Variants in LMAN1L observed in about 807,000 individuals in gnomAD.
The protein encoded by LMAN1L is lectin, mannose binding 1 like, also known as protein ERGIC-53-like.
A neutral mutation model predicts 58.3 loss-of-function variants in LMAN1L; 60 were observed. That is an observed-to-expected ratio of 1.03 (90% CI 0.84 to 1.27). The LOEUF is 1.27. Ranked by LOEUF, LMAN1L falls within the 50% of genes most tolerant of loss-of-function variation. The pLI is 0.00. For synonymous variants in LMAN1L, 280 were observed against 271.6 expected, an observed-to-expected ratio of 1.03 and a Z score of -0.31; for missense variants, 629 against 674.0, an observed-to-expected ratio of 0.93 and a Z score of 0.74.
chr15:74,819,064 A>G, intron 5 of LMAN1L, 88 bp from the exon 6 acceptor site: 1 of 1,491,840 alleles, frequency 6.7e-7, no homozygotes, highest in South Asian at 1.3e-5. Flanking sequence ...ACCAAGCCCT[A>G]GGGCCACCTG....
intron 8 of LMAN1L, 108 bp from the exon 9 acceptor site, chr15:74,820,967 C>G: frequency 7.3e-7 from 1 of 1,373,682 alleles, no homozygotes; most frequent in Non-Finnish European, 9.8e-7. Flanking sequence ...TTGGAGGCAG[C>G]AGCCACACCT....
rs1010399363 is a variant in LMAN1L, at chr15:74,816,706, G to A, written c.497+16G>A. 3.1e-6 allele frequency: 5 copies of A among 1,611,786 alleles called. No individual in the cohort carries two copies. Among genetic ancestry groups the A allele is most frequent in the Non-Finnish European group, 4.2e-6 (5 of 1,178,722 alleles). Reference sequence around the variant, plus strand: ...AGCAGCCTGGGTAAGGGCCTGTCTGGACTGACCACTCACCTCCATTTTTGC... The same window carrying A: ...AGCAGCCTGGGTAAGGGCCTGTCTGAACTGACCACTCACCTCCATTTTTGC... On this transcript the variant is annotated intron_variant, in intron 4 of 13. Coordinates refer to ENST00000309664, the MANE Select transcript of LMAN1L (RefSeq NM_021819.3).
chr15:74,818,353 G>T (rs984498824), intron 4 of LMAN1L, among the ~76,000 whole-genome samples: 2 of 152,174 alleles, frequency 1.3e-5, no homozygotes, highest in East Asian at 1.9e-4. Flanking sequence ...TTCTGGGACT[G>T]CCCTCACTGT....
chr15:74,815,760 A>G (rs548455438), intron 1 of LMAN1L, among the ~76,000 whole-genome samples: 1 of 152,308 alleles, frequency 6.6e-6, no homozygotes, highest in East Asian at 1.9e-4. Context: ...TCATCTGAGA[A>G]ATGGGAAGGG....
chr15:74,813,923 GA>G (rs113898209), intron 1 of LMAN1L, among the ~76,000 whole-genome samples: 10,691 of 152,100 alleles, frequency 0.07, 1,194 homozygotes, highest in African/African-American at 0.24. Flanking sequence ...TCAAGAGGTT[GA>G]AAACCATCCT....
intron 12 of LMAN1L, 56 bp from the exon 13 acceptor site, chr15:74,824,294 TC>T: frequency 1.3e-6 from 2 of 1,550,192 alleles, no homozygotes; most frequent in Non-Finnish European, 1.8e-6. Context: ...AGATTCCAGG[TC>T]CCCCACTCCT....
chr15:74,820,801 T>A (rs1284459944), intron 8 of LMAN1L, 34 bp downstream of exon 8: 2 of 1,591,394 alleles, frequency 1.3e-6, no homozygotes, highest in Non-Finnish European at 1.7e-6. Flanking sequence ...GTGGCGCCCA[T>A]CTGAGTGTCA....
At chr15:74,820,893 C>T in intron 8 of LMAN1L, 126 bp downstream of exon 8, 13 of 1,394,516 alleles carry the variant, frequency 9.3e-6, no homozygotes, top group Non-Finnish European at 1.3e-5. Flanking sequence ...TAAGCAGGCC[C>T]TGGGCCCAAG....
At chr15:74,820,938 C>T (rs1451016081) in intron 8 of LMAN1L, 137 bp from the exon 9 acceptor site, 13 of 1,326,066 alleles carry the variant, frequency 9.8e-6, no homozygotes, top group Admixed American at 2.7e-5. Flanking sequence ...CACTCAGACT[C>T]ATCTTCCAGG....
chr15:74,818,028 A>AAAG (rs1555467042), intron 4 of LMAN1L, among the ~76,000 whole-genome samples: 5 of 149,766 alleles, frequency 3.3e-5, no homozygotes, highest in African/African-American at 4.9e-5. Flanking sequence ...AAAAAAAAAA[A>AAAG]AGAGAGAGAG....
intron 4 of LMAN1L, 43 bp downstream of exon 4, chr15:74,816,733 C>T: frequency 6.3e-7 from 1 of 1,584,082 alleles, no homozygotes; most frequent in Admixed American, 1.7e-5. Flanking sequence ...CATTTTTGCA[C>T]TGGGAGGGGC....
At position 74,812,977 on chromosome 15, in the gene LMAN1L, C is replaced by T. The variant is rs753624609; in HGVS notation, c.123C>T (p.Gly41=). 6.2e-7 allele frequency: 1 copy of T among 1,614,112 alleles called. No individual in the cohort carries two copies. The highest frequency in any genetic ancestry group is 8.5e-7 in the Non-Finnish European group (1 of 1,179,984). Residue 41 remains glycine (G), a synonymous_variant, in exon 1 of 14, where the codon GGC becomes GGT. Transcript: ENST00000309664. ...TTGAGTACAAGCTCAGCTTCAAAGG[C>T]CCAAGGCTGGCATTGCCTGGGGCTG... The part of the protein sequence containing the change: ...RRFEYKLSFK[G]PRLALPGAGI...
Position 74,825,690 on chromosome 15 carries a change from C to A in LMAN1L, c.*85C>A. The A allele has an allele frequency of 7.1e-7, 1 of 1,405,526 alleles. No homozygotes were observed. Among genetic ancestry groups the A allele is most frequent in the Non-Finnish European group, 9.8e-7 (1 of 1,020,734 alleles). The allele number at this position is 1,405,526 out of a possible 1,614,324, so 87.1% of individuals were successfully genotyped here. On this transcript the variant is annotated 3_prime_UTR_variant, in exon 14 of 14. Transcript: ENST00000309664. Reference sequence around the variant, plus strand: ...GGTCAGTATCCTCTCCGTCTGGGTGCCCAGCTCCCACGCACACCTGAGCTT... The same window carrying A: ...GGTCAGTATCCTCTCCGTCTGGGTGACCAGCTCCCACGCACACCTGAGCTT...
rs548146510 is a variant in LMAN1L, at chr15:74,825,598, C to G, written c.1574C>G (p.Pro525Arg). 137 of 1,610,718 alleles carry G rather than the reference C, an allele frequency of 8.5e-5. 3 individuals carry two copies. The South Asian group carries it at 1.5e-3, about 17-fold the overall frequency. Residue 525 changes from proline to arginine, a missense_variant, in exon 14 of 14, where the codon CCT (proline) becomes CGT (arginine). Coordinates refer to ENST00000309664, the MANE Select transcript of LMAN1L (RefSeq NM_021819.3). ...AGGCAGCCTCTCCCTGCCAGCATGC[C>G]TGCCTGACCCACCTCAGAGCCTGCT... ...LRRQPLPASM[P>R]A is the part of the protein sequence containing the mutation.
chr15:74,821,876 C>A lies in LMAN1L; in HGVS notation c.1107C>A (p.Gly369=). Residue 369 remains glycine, a synonymous_variant, in exon 10 of 14, where the codon GGC becomes GGA. Transcript: ENST00000309664. The part of the protein sequence containing the change: ...CQIPSTPGRG[G]HLSMSLNKDS... ...TTCCATCCACCCCAGGGAGGGGTGG[C>A]CACCTCTCCATGTCACTCAATAAGG... is the stretch of plus-strand genomic sequence containing the variant. 1 of 1,611,526 alleles carries A rather than the reference C, an allele frequency of 6.2e-7. No individual in the cohort carries two copies. The highest frequency in any genetic ancestry group is 8.5e-7 in the Non-Finnish European group (1 of 1,177,782).
In LMAN1L at chr15:74,818,788, C is replaced by T. The variant is rs200391043; in HGVS notation, c.568C>T (p.Arg190Trp). 1.5e-4 allele frequency: 236 copies of T among 1,611,372 alleles called. 1 individual carries two copies. Among genetic ancestry groups the T allele is most frequent in the Non-Finnish European group, 1.8e-4 (213 of 1,179,178 alleles). Reference sequence around the variant, plus strand: ...GAACCGGCCACACCCCTTCAGAGCACGGATCACCTACTGGGGGCAGAGGCT... The same window carrying T: ...GAACCGGCCACACCCCTTCAGAGCATGGATCACCTACTGGGGGCAGAGGCT... ...FRNRPHPFRA[R>W]ITYWGQRLRM... Residue 190 changes from arginine to tryptophan, a missense_variant, in exon 5 of 14, where the codon CGG becomes TGG. Physicochemically the swap from Arg to Trp is moderately radical, Grantham distance 101. Transcript: ENST00000309664.
chr15:74,821,052 C>A, intron 8 of LMAN1L, 23 bp from the exon 9 acceptor site: 2 of 1,555,484 alleles, frequency 1.3e-6, no homozygotes, highest in South Asian at 1.2e-5. Context: ...GGCTGCCCAT[C>A]CCAGCTCTGC....
chr15:74,820,555 G>C, intron 7 of LMAN1L, 80 bp from the exon 8 acceptor site: 3 of 1,574,216 alleles, frequency 1.9e-6, no homozygotes, highest in Non-Finnish European at 2.6e-6. Flanking sequence ...CTGGGCTCGT[G>C]GGGAAGCCTG....
At chr15:74,821,962 G>A (rs2063918689) in intron 10 of LMAN1L, 62 bp downstream of exon 10, 2 of 1,176,960 alleles carry the variant, frequency 1.7e-6, no homozygotes, top group Non-Finnish European at 2.5e-6. Context: ...TGCTCTGGGA[G>A]AACCAGGGCA....
Sources: allele counts gnomAD v4.1 joint callset (sites outside exome capture counted in the v4.1 genomes callset), GRCh38; gene constraint gnomAD v4.1.1; transcripts MANE v1.5; gene names NCBI Gene and HGNC (gene_info 2026-07-23, HGNC 2026-07-21).